The following CSMD1 variants were observed in gnomAD, a reference collection of about 807,000 sequenced individuals.
The protein encoded by CSMD1 is CUB and sushi domain-containing protein 1.
Under a neutral mutation model 417.5 loss-of-function variants are expected in CSMD1, and 213 were observed. That is an observed-to-expected ratio of 0.51 (90% CI 0.46 to 0.57). The LOEUF (loss-of-function observed/expected upper bound fraction) is 0.57. Ranked by LOEUF, CSMD1 falls within the 20% of genes least tolerant of loss-of-function variation. CSMD1 has a pLI of 0.00. For missense variants in CSMD1, 6,923 were observed against 4,529.7 expected (o/e 1.53, Z -15.17); for synonymous variants, 2,862 against 1,736.8 (o/e 1.65, Z -16.11).
chr8:4,486,158 CATACATATATAT>C (rs1563223654), intron 2 of CSMD1, among the ~76,000 whole-genome samples: 1 of 17,884 alleles, frequency 5.6e-5, no homozygotes, highest in Admixed American at 4.9e-4. Context: ...TATATATATA[CATACATATATAT>C]ATATACATAC....
chr8:4,707,718 C>T (rs1459700483), intron 1 of CSMD1, among the ~76,000 whole-genome samples: 1 of 151,870 alleles, frequency 6.6e-6, no homozygotes, highest in Admixed American at 6.6e-5. Context: ...CAAACCCCAT[C>T]TCTACTAAAA....
intron 30 of CSMD1, among the ~76,000 whole-genome samples, chr8:3,211,030 A>G (rs1797573729): frequency 6.6e-6 from 1 of 152,078 alleles, no homozygotes; most frequent in Admixed American, 6.6e-5. Context: ...GAAAATTAGA[A>G]TTTTTACCCA....
chr8:4,169,452 T>C (rs1053807864), intron 3 of CSMD1, among the ~76,000 whole-genome samples: 2 of 152,182 alleles, frequency 1.3e-5, no homozygotes, highest in African/African-American at 4.8e-5. Context: ...GCTAGTTTTC[T>C]TCAACATATC....
chr8:4,309,760 GT>G (rs1798454488), intron 3 of CSMD1, among the ~76,000 whole-genome samples: 2 of 152,016 alleles, frequency 1.3e-5, no homozygotes, highest in South Asian at 4.1e-4. Context: ...TGATATTAAC[GT>G]TTTACTAGAT....
At chr8:4,408,964 G>A (rs1366078483) in intron 3 of CSMD1, among the ~76,000 whole-genome samples, 2 of 152,090 alleles carry the variant, frequency 1.3e-5, no homozygotes, top group Non-Finnish European at 2.9e-5. Context: ...ATTCAGAAAG[G>A]GAAATGAACT....
chr8:4,300,581 C>T (rs1338359878), intron 3 of CSMD1, among the ~76,000 whole-genome samples: 2 of 152,052 alleles, frequency 1.3e-5, no homozygotes, highest in South Asian at 2.1e-4. Context: ...ATGTGCACAA[C>T]GTGCGGGTTT....
At chr8:3,992,620 C>CA (rs1014648821) in intron 5 of CSMD1, among the ~76,000 whole-genome samples, 21 of 152,168 alleles carry the variant, frequency 1.4e-4, no homozygotes, top group Non-Finnish European at 2.4e-4. Flanking sequence ...CGTGTGTCTA[C>CA]AAAAAATGTT....
At chr8:4,323,023 G>C (rs534259300) in intron 3 of CSMD1, among the ~76,000 whole-genome samples, 1 of 152,272 alleles carries the variant, frequency 6.6e-6, no homozygotes, top group Admixed American at 6.5e-5. Flanking sequence ...ATAAAATGCA[G>C]CAGGAATCTG....
intron 21 of CSMD1, among the ~76,000 whole-genome samples, chr8:3,354,121 A>G (rs1402332979): frequency 6.6e-6 from 1 of 152,242 alleles, no homozygotes; most frequent in East Asian, 1.9e-4. Flanking sequence ...GGGACATTAA[A>G]TAACTATTTA....
chr8:4,095,984 A>T, intron 3 of CSMD1, among the ~76,000 whole-genome samples: 1 of 152,204 alleles, frequency 6.6e-6, no homozygotes, highest in East Asian at 1.9e-4. Flanking sequence ...TCTTAACCAA[A>T]AACCCAGAGT....
chr8:4,607,948 C>A (rs868478967), intron 2 of CSMD1, among the ~76,000 whole-genome samples: 6 of 152,092 alleles, frequency 3.9e-5, no homozygotes, highest in Non-Finnish European at 8.8e-5. Flanking sequence ...TGACATCTGG[C>A]GACTTTCCCC....
chr8:4,373,740 C>T (rs192491083), intron 3 of CSMD1, among the ~76,000 whole-genome samples: 2 of 152,316 alleles, frequency 1.3e-5, no homozygotes, highest in Non-Finnish European at 2.9e-5. Context: ...GGAAGGAACA[C>T]TGTGCCATCT....
intron 12 of CSMD1, among the ~76,000 whole-genome samples, chr8:3,444,489 G>A (rs1815178594): frequency 6.6e-6 from 1 of 152,136 alleles, no homozygotes; most frequent in Admixed American, 6.5e-5. Context: ...TAGAACTTTT[G>A]CTACCATCTT....
At chr8:4,440,171 G>A (rs1441742895) in intron 2 of CSMD1, among the ~76,000 whole-genome samples, 1 of 152,086 alleles carries the variant, frequency 6.6e-6, no homozygotes. Flanking sequence ...TTTCTTTCTA[G>A]ATTAATAATG....
intron 1 of CSMD1, among the ~76,000 whole-genome samples, chr8:4,806,744 C>T (rs1735484327): frequency 1.3e-5 from 2 of 152,180 alleles, no homozygotes; most frequent in African/African-American, 2.4e-5. Flanking sequence ...CGATGAACTT[C>T]ATTTGAAAAC....
chr8:3,494,633 A>T (rs1393498090), intron 10 of CSMD1, among the ~76,000 whole-genome samples: 1 of 152,042 alleles, frequency 6.6e-6, no homozygotes, highest in African/African-American at 2.4e-5. Context: ...TAGATGACAG[A>T]CTGGATGGAT....
chr8:4,739,631 G>A (rs1021839802), intron 1 of CSMD1, among the ~76,000 whole-genome samples: 2 of 152,104 alleles, frequency 1.3e-5, no homozygotes, highest in African/African-American at 2.4e-5. Flanking sequence ...GGTTATCATG[G>A]CATTAACACA....
chr8:2,974,357 T>C, intron 56 of CSMD1, 94 bp downstream of exon 56: 1 of 1,230,826 alleles, frequency 8.1e-7, no homozygotes, highest in East Asian at 2.6e-5. Flanking sequence ...TTATAGGGCT[T>C]TTCAAATAAC....
chr8:4,159,141 C>G (rs192894991), intron 3 of CSMD1, among the ~76,000 whole-genome samples: 1 of 152,118 alleles, frequency 6.6e-6, no homozygotes, highest in South Asian at 2.1e-4. Context: ...GTCTTGAACT[C>G]CCAACTTCAG....
Sources: gnomAD v4.1 joint callset for allele counts (sites outside exome capture counted in the v4.1 genomes callset) on GRCh38, gnomAD v4.1.1 for gene constraint, MANE v1.5 for transcripts, NCBI Gene and HGNC (gene_info 2026-07-23, HGNC 2026-07-21) for gene names.